ARHGEF12: variants seen among roughly 807,000 people sequenced by gnomAD.
ARHGEF12 encodes Rho guanine nucleotide exchange factor 12.
In ARHGEF12, 66 loss-of-function variants were observed where a neutral mutation model predicts 211.2. That is an observed-to-expected ratio of 0.31 (90% CI 0.26 to 0.38). ARHGEF12 has a LOEUF of 0.38. ARHGEF12 is among the 10% of genes least tolerant of loss of function. The probability of loss-of-function intolerance (pLI) is 1.00; values close to 1 mark genes in which losing one functional copy is unlikely to be tolerated. For synonymous variants in ARHGEF12, 592 were observed against 638.4 expected (o/e 0.93, Z 1.09); for missense variants, 1,429 against 1,869.5 (o/e 0.76, Z 4.34).
intron 1 of ARHGEF12, among the ~76,000 whole-genome samples, chr11:120,346,314 A>G (rs529282178): frequency 5.3e-5 from 8 of 152,250 alleles, no homozygotes; most frequent in Non-Finnish European, 1.0e-4. Context: ...TGACTGCAGC[A>G]TTGCTTCACG....
chr11:120,447,174 G>GTCAGATT, intron 18 of ARHGEF12, 89 bp downstream of exon 18: 1 of 1,430,840 alleles, frequency 7.0e-7, no homozygotes, highest in Non-Finnish European at 9.4e-7. Flanking sequence ...TAGAAAAACT[G>GTCAGATT]TCAGATTGTG....
At chr11:120,473,767 A>C (rs750976973) in intron 31 of ARHGEF12, among the ~76,000 whole-genome samples, 1 of 152,252 alleles carries the variant, frequency 6.6e-6, no homozygotes, top group Non-Finnish European at 1.5e-5. Flanking sequence ...ACAAGATAGC[A>C]TACTATTTTC....
intron 6 of ARHGEF12, among the ~76,000 whole-genome samples, chr11:120,424,124 G>C (rs1380648347): frequency 1.3e-5 from 2 of 152,140 alleles, no homozygotes; most frequent in Non-Finnish European, 2.9e-5. Flanking sequence ...TGGTGAATAA[G>C]TTGTACTGTT....
At chr11:120,436,552 G>A (rs1945699007) in intron 11 of ARHGEF12, among the ~76,000 whole-genome samples, 2 of 152,106 alleles carry the variant, frequency 1.3e-5, no homozygotes, top group South Asian at 2.1e-4. Context: ...CTCAGTATTT[G>A]TGGACAGCAT....
At chr11:120,402,804 AC>A (rs1944580855) in intron 1 of ARHGEF12, among the ~76,000 whole-genome samples, 3 of 152,064 alleles carry the variant, frequency 2.0e-5, no homozygotes, top group South Asian at 4.3e-4. Context: ...AAAGAAAAAA[AC>A]AATTTCTAGC....
Position 120,346,154 on chromosome 11 carries a change from A to G in ARHGEF12, c.32+8879A>G, listed in dbSNP as rs573022845. Among the ~76,000 whole-genome samples the G allele has an allele frequency of 8.5e-5, 13 of 152,326 alleles. No homozygotes were observed. In the East Asian group the frequency reaches 2.3e-3, roughly 27 times the overall value. On this transcript the variant is annotated intron_variant, in intron 1 of 40. Transcript: ENST00000397843. ...TCTGAAACATTTAAAAATATATACC[A>G]GCCTATAATTTTATTTTTTGCACCT...
chr11:120,453,963 A>G (rs1036584683), intron 22 of ARHGEF12, among the ~76,000 whole-genome samples: 10 of 152,238 alleles, frequency 6.6e-5, no homozygotes, highest in African/African-American at 2.4e-4. Context: ...ACAGAGTATG[A>G]GCAGTCTCTG....
chr11:120,367,101 G>A (rs1394331081), intron 1 of ARHGEF12, among the ~76,000 whole-genome samples: 1 of 152,082 alleles, frequency 6.6e-6, no homozygotes, highest in Non-Finnish European at 1.5e-5. Flanking sequence ...CTGTCCAACA[G>A]TCTTATTGCA....
intron 38 of ARHGEF12, 35 bp downstream of exon 38, chr11:120,480,465 T>G (rs766358755): frequency 6.4e-7 from 1 of 1,565,324 alleles, no homozygotes; most frequent in Non-Finnish European, 8.7e-7. Context: ...TTGATTTTGA[T>G]TTTGATCATT....
At chr11:120,443,965 C>G (rs1280307533) in intron 15 of ARHGEF12, among the ~76,000 whole-genome samples, 3 of 152,130 alleles carry the variant, frequency 2.0e-5, no homozygotes, top group Admixed American at 2.0e-4. Context: ...TGAGAGTTCG[C>G]TGATTTTAGT....
intron 15 of ARHGEF12, among the ~76,000 whole-genome samples, chr11:120,444,488 T>C (rs1194904572): frequency 2.0e-5 from 3 of 152,212 alleles, no homozygotes; most frequent in Non-Finnish European, 4.4e-5. Context: ...TTAAGAAAGT[T>C]GATTTGAGCT....
At position 120,440,121 on chromosome 11, in the gene ARHGEF12, G is replaced by T; in HGVS notation, c.1000-8G>T. 1.9e-6 allele frequency: 3 copies of T among 1,599,774 alleles called. No homozygotes were observed. Among genetic ancestry groups the T allele is most frequent in the Non-Finnish European group, 2.6e-6 (3 of 1,172,322 alleles). On this transcript the variant is annotated splice_polypyrimidine_tract_variant and splice_region_variant and intron_variant, in intron 12 of 40. Coordinates refer to ENST00000397843, the MANE Select transcript of ARHGEF12 (RefSeq NM_015313.3). Reference sequence around the variant, plus strand: ...ATTTTTCTGTTTCTTTTCCCTGAATGTTGCCAGGACACTCAATCACTTGTC... The same window carrying T: ...ATTTTTCTGTTTCTTTTCCCTGAATTTTGCCAGGACACTCAATCACTTGTC...
At chr11:120,343,375 T>G (rs1189910235) in intron 1 of ARHGEF12, among the ~76,000 whole-genome samples, 2 of 152,212 alleles carry the variant, frequency 1.3e-5, no homozygotes, top group African/African-American at 4.8e-5. Context: ...ACTTAGAATA[T>G]CTGGAATCAT....
chr11:120,399,401 C>T (rs920056785), intron 1 of ARHGEF12, among the ~76,000 whole-genome samples: 35 of 135,560 alleles, frequency 2.6e-4, no homozygotes, highest in Admixed American at 1.5e-3. Context: ...GGAGATGGTA[C>T]ACATTTTTAG....
At chr11:120,437,123 G>A (rs544371800) in intron 11 of ARHGEF12, among the ~76,000 whole-genome samples, 185 bp from the exon 12 acceptor site, 90 of 152,228 alleles carry the variant, frequency 5.9e-4, no homozygotes, top group Admixed American at 1.3e-3. Context: ...AAATTGAAAA[G>A]GTGAGAGAAT....
rs1172826680 is a variant in ARHGEF12 at position 120,469,376 on chromosome 11, A to G, written c.2943A>G (p.Ala981=). 3 of 1,611,980 alleles carry G rather than the reference A, an allele frequency of 1.9e-6. No homozygotes were observed. In the African/African-American group the frequency reaches 4.0e-5, roughly 22 times the overall value. Residue 981 remains alanine (A), a synonymous_variant, in exon 30 of 41, where the codon GCA becomes GCG. Coordinates refer to ENST00000397843, the MANE Select transcript of ARHGEF12 (RefSeq NM_015313.3). The stretch of plus-strand genomic sequence containing the variant: ...ATGTAAATCAGGCTGTCAAGGAGGC[A>G]GAAAACAAGCAGGTAAAAAAGGAAA... ...LNYVNQAVKE[A]ENKQRLEDYQ...
chr11:120,375,670 A>G (rs1943704890), intron 1 of ARHGEF12, among the ~76,000 whole-genome samples: 1 of 152,042 alleles, frequency 6.6e-6, no homozygotes, highest in African/African-American at 2.4e-5. Context: ...TATTATTAAC[A>G]TATTACATTT....
At chr11:120,441,605 G>T in intron 13 of ARHGEF12, 102 bp from the exon 14 acceptor site, 2 of 804,010 alleles carry the variant, frequency 2.5e-6, no homozygotes, top group South Asian at 2.0e-5. Context: ...TTTTTTATAG[G>T]GAGATCAAAG....
At chr11:120,430,032 A>G (rs959904637) in intron 10 of ARHGEF12, among the ~76,000 whole-genome samples, 2 of 152,164 alleles carry the variant, frequency 1.3e-5, no homozygotes, top group Non-Finnish European at 2.9e-5. Flanking sequence ...TCATGAGATC[A>G]CATTTCTTTG....
Sources: allele counts gnomAD v4.1 joint callset (sites outside exome capture counted in the v4.1 genomes callset), GRCh38; gene constraint gnomAD v4.1.1; transcripts MANE v1.5; gene names NCBI Gene and HGNC (gene_info 2026-07-23, HGNC 2026-07-21).